Variants in PACRG observed in about 807,000 individuals in gnomAD.
The protein encoded by PACRG is parkin coregulated.
PACRG carries 29 observed loss-of-function variants against 29.7 expected under a neutral mutation model. The ratio of observed to expected loss-of-function variants is 0.98; its 90% CI spans 0.73 to 1.33. The LOEUF is 1.33. Ranked by LOEUF, PACRG falls within the 40% of genes most tolerant of loss-of-function variation. PACRG has a pLI of 0.00. For missense variants in PACRG, 279 were observed against 316.2 expected, an observed-to-expected ratio of 0.88 and a Z score of 0.89; for synonymous variants, 116 against 118.7, an observed-to-expected ratio of 0.98 and a Z score of 0.15.
In PACRG at chr6:162,933,260, G is replaced by T. The variant is rs77032435; in HGVS notation, c.291+118979G>T. 9.2e-5 allele frequency among the ~76,000 whole-genome samples: 14 copies of T among 152,130 alleles called. No homozygotes were observed. In the East Asian group the frequency reaches 2.5e-3, roughly 27 times the overall value. ...TGAAATGTGTTGAGACTTGTTTTGT[G>T]GCCTAATATATGGTTTATCCTGGAG... On this transcript the variant is annotated intron_variant, in intron 2 of 4. Transcript: ENST00000366888.
chr6:163,180,883 G>C (rs1242395669), intron 4 of PACRG, among the ~76,000 whole-genome samples: 1 of 152,248 alleles, frequency 6.6e-6, no homozygotes, highest in Non-Finnish European at 1.5e-5. Flanking sequence ...CGAGCGTTGT[G>C]TGTGTTTCAC....
rs528114870 is a variant in PACRG at position 163,198,939 on chromosome 6, G to A, written c.613+109531G>A. Among the ~76,000 whole-genome samples, 91 of 152,282 alleles carry A rather than the reference G, an allele frequency of 6.0e-4. No individual in the cohort carries two copies. In the South Asian group the frequency reaches 0.016, roughly 26 times the overall value. On this transcript the variant is annotated intron_variant, in intron 4 of 4. Coordinates refer to ENST00000366888, the MANE Select transcript of PACRG (RefSeq NM_001080379.2). ...ACTTGAAGCAAAGGCAGGAAAACTC[G>A]AAACAGGGAGGGGCTTCCAGGCCAC...
chr6:162,791,313 T>TG (rs1554279966), intron 1 of PACRG, among the ~76,000 whole-genome samples: 15 of 149,110 alleles, frequency 1.0e-4, no homozygotes, highest in Admixed American at 1.0e-3. Flanking sequence ...GTTTGTTTGT[T>TG]TTTTTTTTTT....
At chr6:163,194,190 T>G (rs974825701) in intron 4 of PACRG, among the ~76,000 whole-genome samples, 3 of 152,042 alleles carry the variant, frequency 2.0e-5, no homozygotes, top group Non-Finnish European at 4.4e-5. Flanking sequence ...GTGATGGAGG[T>G]TCTGCGCCCG....
intron 2 of PACRG, among the ~76,000 whole-genome samples, chr6:162,955,330 C>G (rs111376043): frequency 6.6e-6 from 1 of 152,092 alleles, no homozygotes; most frequent in Admixed American, 6.5e-5. Flanking sequence ...GACGGAGTCT[C>G]TCTCTGTTGC....
Position 163,137,608 on chromosome 6 carries a change from C to A in PACRG, c.613+48200C>A, listed in dbSNP as rs183463447. On this transcript the variant is annotated intron_variant, in intron 4 of 4. Coordinates refer to ENST00000366888, the MANE Select transcript of PACRG (RefSeq NM_001080379.2). ...AGAACACCGTCAGTACTCCCTAATA[C>A]CCCGTGCTCCAAATCCGGAGCTCGG... Among the ~76,000 whole-genome samples the A allele has an allele frequency of 3.9e-5, 6 of 152,256 alleles. No homozygotes were observed. The East Asian group carries it at 1.2e-3, about 29-fold the overall frequency.
intron 4 of PACRG, among the ~76,000 whole-genome samples, chr6:163,106,642 A>G (rs1815396929): frequency 6.6e-6 from 1 of 152,216 alleles, no homozygotes; most frequent in Non-Finnish European, 1.5e-5. Context: ...AAGCTCACTT[A>G]TAGCTAGTTA....
chr6:163,065,070 G>C (rs187157521), intron 3 of PACRG, among the ~76,000 whole-genome samples: 139 of 152,176 alleles, frequency 9.1e-4, no homozygotes, highest in Non-Finnish European at 1.9e-3. Context: ...ACTGCTGCTT[G>C]GTTCAAGCCC....
intron 2 of PACRG, among the ~76,000 whole-genome samples, chr6:162,927,990 T>A (rs143185829): frequency 6.6e-6 from 1 of 152,116 alleles, no homozygotes; most frequent in Non-Finnish European, 1.5e-5. Flanking sequence ...GTAGTTTCCT[T>A]TATTTGTTGT....
At chr6:163,242,994 A>G (rs1260028317) in intron 4 of PACRG, among the ~76,000 whole-genome samples, 2 of 152,252 alleles carry the variant, frequency 1.3e-5, no homozygotes, top group Non-Finnish European at 2.9e-5. Flanking sequence ...CTACAGATAC[A>G]GTGCCTCCTT....
intron 4 of PACRG, among the ~76,000 whole-genome samples, chr6:163,180,321 G>A (rs1171710638): frequency 5.3e-5 from 8 of 152,182 alleles, no homozygotes; most frequent in African/African-American, 1.2e-4. Context: ...AAGTATGTTC[G>A]TTAAAATATC....
chr6:162,849,175 C>T (rs1790656114), intron 2 of PACRG, among the ~76,000 whole-genome samples: 1 of 151,830 alleles, frequency 6.6e-6, no homozygotes, highest in Non-Finnish European at 1.5e-5. Flanking sequence ...CATTGGCGTG[C>T]AAAAAGAGTG....
intron 2 of PACRG, among the ~76,000 whole-genome samples, chr6:162,905,823 A>G (rs1044655925): frequency 6.6e-6 from 1 of 152,168 alleles, no homozygotes; most frequent in Non-Finnish European, 1.5e-5. Context: ...GCATGTATCT[A>G]ATGTCCAAAC....
intron 4 of PACRG, among the ~76,000 whole-genome samples, chr6:163,111,353 C>T (rs941183698): frequency 2.0e-5 from 3 of 152,182 alleles, no homozygotes; most frequent in Non-Finnish European, 4.4e-5. Flanking sequence ...GAAGTAGATG[C>T]TATTGATAAT....
intron 2 of PACRG, among the ~76,000 whole-genome samples, chr6:162,897,856 C>T (rs965701890): frequency 2.6e-5 from 4 of 152,098 alleles, no homozygotes; most frequent in African/African-American, 9.7e-5. Context: ...TGGGATGCGT[C>T]GTCAAGGCTG....
At chr6:163,191,663 C>A (rs1459206841) in intron 4 of PACRG, 1 of 456,200 alleles carries the variant, frequency 2.2e-6, no homozygotes, top group East Asian at 6.9e-5. Flanking sequence ...TATCTGTGGA[C>A]CACACTCCAC....
At chr6:163,069,023 G>A (rs1394532096) in intron 3 of PACRG, among the ~76,000 whole-genome samples, 1 of 151,986 alleles carries the variant, frequency 6.6e-6, no homozygotes, top group Non-Finnish European at 1.5e-5. Context: ...TACTGGCTAA[G>A]AGCATAGCCT....
At chr6:163,170,992 C>A (rs1779055885) in intron 4 of PACRG, 1 of 152,150 alleles carries the variant, frequency 6.6e-6, no homozygotes, top group Non-Finnish European at 1.5e-5. Flanking sequence ...AACTCTCAAA[C>A]AGTTAGACTT....
intron 4 of PACRG, among the ~76,000 whole-genome samples, chr6:163,205,407 G>A (rs1342721662): frequency 6.6e-6 from 1 of 152,192 alleles, no homozygotes; most frequent in Non-Finnish European, 1.5e-5. Context: ...CAGAAATAAG[G>A]CTGCACACCT....
Sources: gnomAD v4.1 joint callset for allele counts (sites outside exome capture counted in the v4.1 genomes callset) on GRCh38, gnomAD v4.1.1 for gene constraint, MANE v1.5 for transcripts, NCBI Gene and HGNC (gene_info 2026-07-23, HGNC 2026-07-21) for gene names.